The following SUPT3H variants were observed in gnomAD, a reference collection of about 807,000 sequenced individuals.
The protein encoded by SUPT3H is transcription initiation protein SPT3 homolog.
A neutral mutation model predicts 44.3 loss-of-function variants in SUPT3H; 44 were observed. The observed-to-expected ratio is 0.99, with a 90% confidence interval of 0.78 to 1.28. The LOEUF (loss-of-function observed/expected upper bound fraction) is 1.28. SUPT3H is among the 50% of genes most tolerant of loss of function. The probability of loss-of-function intolerance (pLI) is 0.00; values close to 1 mark genes in which losing one functional copy is unlikely to be tolerated. For synonymous variants in SUPT3H, 124 were observed against 125.6 expected (o/e 0.99, Z 0.09); for missense variants, 380 against 387.1 (o/e 0.98, Z 0.15).
chr6:44,813,252 C>A (rs1220913763), intron 11 of SUPT3H, among the ~76,000 whole-genome samples: 1 of 152,160 alleles, frequency 6.6e-6, no homozygotes, highest in Non-Finnish European at 1.5e-5. Flanking sequence ...GTGGTGCAAT[C>A]ATAACTCACA....
chr6:45,159,494 A>G (rs763203370), intron 2 of SUPT3H: 1 of 152,204 alleles, frequency 6.6e-6, no homozygotes, highest in African/African-American at 2.4e-5. Context: ...AGAGCCATCA[A>G]TAGCCTCACC....
intron 3 of SUPT3H, among the ~76,000 whole-genome samples, chr6:45,071,554 A>G (rs1794386952): frequency 6.6e-6 from 1 of 152,104 alleles, no homozygotes; most frequent in South Asian, 2.1e-4. Context: ...AAGATATTAT[A>G]TGTTCACATG....
At chr6:45,053,702 T>C (rs1236207467) in intron 3 of SUPT3H, among the ~76,000 whole-genome samples, 1 of 124,026 alleles carries the variant, frequency 8.1e-6, no homozygotes, top group Non-Finnish European at 1.6e-5. Context: ...ATCAAGACCA[T>C]CCTGTCTAAC....
chr6:45,020,781 T>G, intron 3 of SUPT3H, 149 bp from the exon 4 acceptor site: 1 of 504,102 alleles, frequency 2.0e-6, no homozygotes, highest in Non-Finnish European at 3.5e-6. Context: ...AAGAGTAAAA[T>G]GTCTTATGTT....
intron 2 of SUPT3H, among the ~76,000 whole-genome samples, chr6:45,248,683 A>G (rs908510724): frequency 1.3e-5 from 2 of 152,084 alleles, no homozygotes; most frequent in African/African-American, 4.8e-5. Flanking sequence ...TTGGGAGGCC[A>G]AGGTGGATAG....
chr6:44,891,458 T>C (rs1241636119), intron 10 of SUPT3H, among the ~76,000 whole-genome samples: 2 of 152,252 alleles, frequency 1.3e-5, no homozygotes, highest in South Asian at 4.1e-4. Flanking sequence ...ACAATAAGTA[T>C]AAACCTTGAA....
intron 2 of SUPT3H, among the ~76,000 whole-genome samples, chr6:45,299,418 T>C (rs1584787633): frequency 1.3e-5 from 2 of 152,196 alleles, no homozygotes; most frequent in East Asian, 1.9e-4. Context: ...ATAAGATATG[T>C]GTCCCCTTTA....
At position 45,232,092 on chromosome 6, in the gene SUPT3H, A is replaced by T. The variant is rs77387830; in HGVS notation, c.102-126086T>A. On this transcript the variant is annotated intron_variant, in intron 2 of 10. Coordinates refer to ENST00000371459, the MANE Select transcript of SUPT3H (RefSeq NM_003599.4). Reference sequence around the variant, plus strand: ...TTGTGTAAATTTATTTTTGATTGGGATCTATTGCTGAGGGATTATCACATT... The same window carrying T: ...TTGTGTAAATTTATTTTTGATTGGGTTCTATTGCTGAGGGATTATCACATT... Among the ~76,000 whole-genome samples the T allele has an allele frequency of 6.0e-4, 91 of 151,954 alleles. 1 individual carries two copies. In the East Asian group the frequency reaches 0.016, roughly 27 times the overall value.
At chr6:45,148,185 A>G (rs1583836652) in intron 2 of SUPT3H, among the ~76,000 whole-genome samples, 1 of 152,204 alleles carries the variant, frequency 6.6e-6, no homozygotes, top group Admixed American at 6.6e-5. Flanking sequence ...ATTTCTAAAT[A>G]GGAGTTATAG....
At chr6:45,036,520 G>GA (rs1787699721) in intron 3 of SUPT3H, among the ~76,000 whole-genome samples, 1 of 151,906 alleles carries the variant, frequency 6.6e-6, no homozygotes, top group African/African-American at 2.4e-5. Context: ...ACAGGGATAA[G>GA]AAAAAATGAG....
intron 2 of SUPT3H, among the ~76,000 whole-genome samples, chr6:45,137,002 A>T (rs1327636490): frequency 1.3e-5 from 2 of 152,194 alleles, no homozygotes; most frequent in South Asian, 2.1e-4. Flanking sequence ...TGACAGAAGC[A>T]TAAGATAAGT....
chr6:45,365,824 T>C (rs1200716063), intron 1 of SUPT3H, among the ~76,000 whole-genome samples: 1 of 151,660 alleles, frequency 6.6e-6, no homozygotes, highest in Non-Finnish European at 1.5e-5. Context: ...ATAATCTAAA[T>C]CCTATTTGAA....
intron 2 of SUPT3H, among the ~76,000 whole-genome samples, chr6:45,272,654 A>G (rs1271936337): frequency 1.3e-5 from 2 of 152,200 alleles, no homozygotes; most frequent in Admixed American, 6.5e-5. Context: ...ATGCCTAATG[A>G]TATCTCATGG....
At chr6:45,255,388 T>A (rs1024929863) in intron 2 of SUPT3H, among the ~76,000 whole-genome samples, 1 of 151,876 alleles carries the variant, frequency 6.6e-6, no homozygotes. Flanking sequence ...TTCATTAATT[T>A]ATTTCATTCT....
intron 2 of SUPT3H, among the ~76,000 whole-genome samples, chr6:45,235,603 T>G (rs1209436981): frequency 6.6e-6 from 1 of 152,160 alleles, no homozygotes; most frequent in Non-Finnish European, 1.5e-5. Context: ...TATTTTTAAG[T>G]AAATCAATTT....
chr6:45,057,753 GTTAC>G (rs1231913289), intron 3 of SUPT3H, among the ~76,000 whole-genome samples: 3 of 152,126 alleles, frequency 2.0e-5, no homozygotes, highest in African/African-American at 7.2e-5. Flanking sequence ...AACAGAGGCA[GTTAC>G]TTTGAAAACC....
intron 10 of SUPT3H, among the ~76,000 whole-genome samples, chr6:44,838,591 CTA>C (rs1382625146): frequency 2.0e-5 from 3 of 152,258 alleles, no homozygotes; most frequent in Admixed American, 2.0e-4. Flanking sequence ...AAATGCCAAT[CTA>C]TAGGCTAGTC....
chr6:44,907,528 G>A (rs1766303647), intron 10 of SUPT3H, among the ~76,000 whole-genome samples: 1 of 151,944 alleles, frequency 6.6e-6, no homozygotes, highest in Admixed American at 6.6e-5. Context: ...AATACAAAAA[G>A]TTAACCAGGC....
rs538064167 is a variant in SUPT3H, at chr6:44,922,653, T to C, written c.912+10000A>G. 2.2e-4 allele frequency among the ~76,000 whole-genome samples: 33 copies of C among 152,300 alleles called. No homozygotes were observed. In the South Asian group the frequency reaches 4.8e-3, roughly 22 times the overall value. On this transcript the variant is annotated intron_variant, in intron 10 of 10. Coordinates refer to ENST00000371459, the MANE Select transcript of SUPT3H (RefSeq NM_003599.4). ...AAATAATCTATTTAAATAGAACTGA[T>C]ATGTTATTTTTCTAATATTCAACTA... is the stretch of plus-strand genomic sequence containing the variant.
Sources: gnomAD v4.1 joint callset for allele counts (sites outside exome capture counted in the v4.1 genomes callset) on GRCh38, gnomAD v4.1.1 for gene constraint, MANE v1.5 for transcripts, NCBI Gene and HGNC (gene_info 2026-07-23, HGNC 2026-07-21) for gene names.